Variants in CAST observed in about 807,000 individuals in gnomAD.
CAST encodes calpastatin.
A neutral mutation model predicts 119.6 loss-of-function variants in CAST; 76 were observed. That is an observed-to-expected ratio of 0.64 (90% CI 0.53 to 0.77). The LOEUF is 0.77. Ranked by LOEUF, CAST falls within the 30% of genes least tolerant of loss-of-function variation. The pLI is 0.00. For synonymous variants in CAST, 319 were observed against 331.6 expected, an observed-to-expected ratio of 0.96 and a Z score of 0.41; for missense variants, 953 against 946.5, an observed-to-expected ratio of 1.01 and a Z score of -0.09.
At chr5:96,285,843 A>G in the CAST span, among the ~76,000 whole-genome samples, 5 of 152,244 alleles carry the variant, frequency 3.3e-5, no homozygotes, top group African/African-American at 1.2e-4. Flanking sequence ...AATCTTCAAT[A>G]GTGGTTATAC....
intron 1 of CAST, among the ~76,000 whole-genome samples, chr5:96,568,390 C>T (rs367939281): frequency 1.8e-4 from 28 of 152,020 alleles, no homozygotes; most frequent in African/African-American, 6.8e-4. Flanking sequence ...CATGCTAGAA[C>T]CTTATCTCTA....
chr5:96,302,856 T>C, the CAST span, among the ~76,000 whole-genome samples: 1,407 of 152,340 alleles, frequency 9.2e-3, 26 homozygotes, highest in African/African-American at 0.033. Context: ...TTCCAAACTG[T>C]CCCTTATCTT....
At chr5:96,573,321 G>A (rs1453434093) in intron 1 of CAST, among the ~76,000 whole-genome samples, 1 of 151,762 alleles carries the variant, frequency 6.6e-6, no homozygotes, top group Non-Finnish European at 1.5e-5. Flanking sequence ...TGTTATTGAG[G>A]CATAATTTAC....
intron 1 of CAST, among the ~76,000 whole-genome samples, chr5:96,620,962 T>C (rs1747592135): frequency 6.6e-6 from 1 of 152,222 alleles, no homozygotes; most frequent in African/African-American, 2.4e-5. Flanking sequence ...TCTAGTAAAT[T>C]AGTACCCTTG....
intron 3 of CAST, among the ~76,000 whole-genome samples, chr5:96,718,157 C>T (rs1000205746): frequency 3.3e-5 from 5 of 152,146 alleles, no homozygotes; most frequent in Non-Finnish European, 7.4e-5. Flanking sequence ...AATACGGAGG[C>T]TCCAAGAGGT....
the CAST span, among the ~76,000 whole-genome samples, chr5:96,150,020 A>G: frequency 6.6e-6 from 1 of 151,938 alleles, no homozygotes; most frequent in Non-Finnish European, 1.5e-5. Context: ...TATATTTGTT[A>G]TCTCAAAAAA....
chr5:96,594,018 C>T (rs1361284229), intron 1 of CAST, among the ~76,000 whole-genome samples: 1 of 152,236 alleles, frequency 6.6e-6, no homozygotes, highest in South Asian at 2.1e-4. Context: ...AATTCCAGTG[C>T]ACCCACAATG....
the CAST span, among the ~76,000 whole-genome samples, chr5:96,310,411 G>A: frequency 6.6e-6 from 1 of 152,076 alleles, no homozygotes. Context: ...TGATGTCTTT[G>A]TCTGGCTTTG....
chr5:96,534,722 A>AAGGAAGGAAGGAAGGAAG lies in CAST; in HGVS notation c.60+4842_60+4843insAGGAAGGAAGGAAGGAAG, dbSNP rs1416482525. Among the ~76,000 whole-genome samples the AAGGAAGGAAGGAAGGAAG allele has an allele frequency of 2.7e-3, 40 of 14,990 alleles. 3 individuals are homozygous for AAGGAAGGAAGGAAGGAAG. Among genetic ancestry groups the AAGGAAGGAAGGAAGGAAG allele is most frequent in the South Asian group, 0.012 (2 of 162 alleles). 9.8% of individuals were successfully genotyped at this position (14,990 alleles called of 152,430 possible). On this transcript the variant is annotated intron_variant, in intron 1 of 11. Transcript: ENST00000505143. ...AGGAAGGAAGGAAGGAAGGAGAGAG[A>AAGGAAGGAAGGAAGGAAG]GAGAGAGAGAGAGAGAGAGAAAGAA... is the stretch of plus-strand genomic sequence containing the variant.
At chr5:96,139,301 T>G in the CAST span, among the ~76,000 whole-genome samples, 1 of 151,782 alleles carries the variant, frequency 6.6e-6, no homozygotes, top group African/African-American at 2.4e-5. Flanking sequence ...ATTCTCCCTT[T>G]ATTTCTCTCT....
chr5:96,419,440 T>C, the CAST span, among the ~76,000 whole-genome samples: 4 of 148,802 alleles, frequency 2.7e-5, no homozygotes, highest in Admixed American at 6.7e-5. Context: ...TCTCTCCCTC[T>C]CTCTCTCTAT....
At chr5:96,165,336 G>C in the CAST span, among the ~76,000 whole-genome samples, 2 of 152,138 alleles carry the variant, frequency 1.3e-5, no homozygotes, top group Non-Finnish European at 2.9e-5. Flanking sequence ...GGGGTAGATA[G>C]ACTAAGGATG....
the CAST span, among the ~76,000 whole-genome samples, chr5:96,494,060 A>G: frequency 6.6e-6 from 1 of 152,150 alleles, no homozygotes; most frequent in Admixed American, 6.5e-5. Context: ...TAACTAAATA[A>G]ATAAATAAAC....
chr5:96,332,144 T>A, the CAST span, among the ~76,000 whole-genome samples: 1 of 152,134 alleles, frequency 6.6e-6, no homozygotes, highest in Non-Finnish European at 1.5e-5. Flanking sequence ...ATACAAGAGA[T>A]CAATAAAAGC....
At chr5:96,448,012 G>GT in the CAST span, among the ~76,000 whole-genome samples, 28 of 148,782 alleles carry the variant, frequency 1.9e-4, no homozygotes, top group African/African-American at 6.4e-4. Context: ...ACTCTCATAT[G>GT]TTAAAAAAAA....
intron 22 of CAST, among the ~76,000 whole-genome samples, chr5:96,755,410 CA>C (rs1766077487): frequency 6.6e-6 from 1 of 151,996 alleles, no homozygotes; most frequent in Admixed American, 6.6e-5. Context: ...TTGCAACTTT[CA>C]GATATAAGTT....
intron 1 of CAST, among the ~76,000 whole-genome samples, chr5:96,577,789 C>G (rs181171445): frequency 6.3e-4 from 96 of 152,212 alleles, no homozygotes; most frequent in African/African-American, 2.3e-3. Flanking sequence ...TATGGTCCAG[C>G]ATACAGTTTG....
intron 1 of CAST, among the ~76,000 whole-genome samples, chr5:96,558,594 AC>A (rs1746293874): frequency 6.6e-6 from 1 of 152,234 alleles, no homozygotes; most frequent in Non-Finnish European, 1.5e-5. Context: ...ACACAAATAA[AC>A]TAGAAAATCT....
the CAST span, chr5:96,278,802 TTCA>T: frequency 3.3e-5 from 5 of 152,208 alleles, no homozygotes; most frequent in Admixed American, 6.5e-5. Flanking sequence ...GCATTCATAT[TTCA>T]TCATGTATCA....
Sources: allele counts gnomAD v4.1 joint callset (sites outside exome capture counted in the v4.1 genomes callset), GRCh38; gene constraint gnomAD v4.1.1; transcripts MANE v1.5; gene names NCBI Gene and HGNC (gene_info 2026-07-23, HGNC 2026-07-21).